Variants in NRG3 observed in about 807,000 individuals in gnomAD.
NRG3 encodes pro-neuregulin-3, membrane-bound isoform.
Under a neutral mutation model 66.9 loss-of-function variants are expected in NRG3, and 31 were observed. The ratio of observed to expected loss-of-function variants is 0.46; its 90% CI spans 0.35 to 0.63. NRG3 has a LOEUF of 0.63. Among genes scored for constraint, NRG3 ranks in the 20% least tolerant of loss-of-function variants. The pLI is 0.00. For synonymous variants in NRG3, 393 were observed against 359.4 expected, an observed-to-expected ratio of 1.09 and a Z score of -1.06; for missense variants, 910 against 878.9, an observed-to-expected ratio of 1.04 and a Z score of -0.45.
At chr10:82,280,967 CT>C (rs2134438618) in intron 1 of NRG3, among the ~76,000 whole-genome samples, 1 of 152,282 alleles carries the variant, frequency 6.6e-6, no homozygotes, top group East Asian at 1.9e-4. Flanking sequence ...TTAAAAATTA[CT>C]GGTGTTATCT....
At chr10:82,693,605 T>G (rs1317826416) in intron 2 of NRG3, among the ~76,000 whole-genome samples, 1 of 152,172 alleles carries the variant, frequency 6.6e-6, no homozygotes, top group African/African-American at 2.4e-5. Flanking sequence ...TATGGTTAGA[T>G]GCAAATAAAA....
intron 4 of NRG3, among the ~76,000 whole-genome samples, chr10:82,932,093 C>A (rs371675822): frequency 2.0e-5 from 3 of 152,162 alleles, no homozygotes; most frequent in Admixed American, 6.5e-5. Flanking sequence ...AAATCTTCTG[C>A]AGCAGCACTC....
chr10:82,849,562 G>A (rs540614631), intron 3 of NRG3, among the ~76,000 whole-genome samples: 1 of 152,246 alleles, frequency 6.6e-6, no homozygotes, highest in East Asian at 1.9e-4. Flanking sequence ...AGAAAAGTAG[G>A]GTGAGGAGGA....
At chr10:81,923,468 G>A (rs554922179) in intron 1 of NRG3, among the ~76,000 whole-genome samples, 2 of 151,938 alleles carry the variant, frequency 1.3e-5, no homozygotes, top group East Asian at 3.9e-4. Context: ...GCCTCCCAAC[G>A]TGCTGGGATT....
chr10:82,122,932 A>G (rs1426422319), intron 1 of NRG3, among the ~76,000 whole-genome samples: 1 of 151,998 alleles, frequency 6.6e-6, no homozygotes, highest in Non-Finnish European at 1.5e-5. Flanking sequence ...TCAATCCCCA[A>G]ATCTGCTCTG....
At chr10:82,073,954 A>C (rs558238300) in intron 1 of NRG3, among the ~76,000 whole-genome samples, 5 of 152,322 alleles carry the variant, frequency 3.3e-5, no homozygotes, top group Non-Finnish European at 7.3e-5. Flanking sequence ...TTTGCAGCTT[A>C]AATACCAGTG....
At chr10:82,028,776 G>C (rs576527799) in intron 1 of NRG3, among the ~76,000 whole-genome samples, 1 of 152,038 alleles carries the variant, frequency 6.6e-6, no homozygotes, top group Admixed American at 6.6e-5. Flanking sequence ...TATGAACCTT[G>C]GCTATACTTA....
chr10:82,533,990 G>A (rs1247564680), intron 2 of NRG3, among the ~76,000 whole-genome samples: 2 of 151,742 alleles, frequency 1.3e-5, no homozygotes, highest in Non-Finnish European at 2.9e-5. Context: ...AAGAAAATTA[G>A]GAAAACAATC....
intron 1 of NRG3, among the ~76,000 whole-genome samples, chr10:82,051,467 G>A (rs2133134720): frequency 1.3e-5 from 2 of 152,210 alleles, no homozygotes; most frequent in African/African-American, 4.8e-5. Context: ...ACCCAAATGT[G>A]CCGAAGTTTG....
intron 3 of NRG3, among the ~76,000 whole-genome samples, chr10:82,854,011 T>C (rs1246428835): frequency 6.6e-6 from 1 of 152,178 alleles, no homozygotes; most frequent in African/African-American, 2.4e-5. Context: ...TTCCCAAAAG[T>C]ATACCTACAA....
intron 1 of NRG3, among the ~76,000 whole-genome samples, chr10:82,204,632 T>C (rs1353925959): frequency 6.6e-6 from 1 of 152,178 alleles, no homozygotes; most frequent in Non-Finnish European, 1.5e-5. Flanking sequence ...CTAGGAGTAG[T>C]AATATCTCTC....
intron 1 of NRG3, among the ~76,000 whole-genome samples, chr10:82,138,015 GAGTAATC>G (rs1311610997): frequency 1.3e-5 from 2 of 152,160 alleles, no homozygotes; most frequent in African/African-American, 4.8e-5. Context: ...TAAACAAAGA[GAGTAATC>G]AGTTTTCTGC....
At chr10:82,478,880 G>T (rs1842004896) in intron 2 of NRG3, among the ~76,000 whole-genome samples, 2 of 152,170 alleles carry the variant, frequency 1.3e-5, no homozygotes, top group South Asian at 4.1e-4. Context: ...GGGCGAAGTG[G>T]ATTACATTTC....
At chr10:82,617,304 C>CCACACACACGCACACATAGA (rs2048728332) in intron 2 of NRG3, among the ~76,000 whole-genome samples, 1 of 149,898 alleles carries the variant, frequency 6.7e-6, no homozygotes. Context: ...TATACACACA[C>CCACACACACGCACACATAGA]CACACACACG....
intron 4 of NRG3, among the ~76,000 whole-genome samples, chr10:82,944,321 G>C (rs1354547481): frequency 6.6e-6 from 1 of 152,146 alleles, no homozygotes; most frequent in African/African-American, 2.4e-5. Context: ...GTTTTTGTTT[G>C]TTTTAGTGGG....
chr10:82,866,054 C>A (rs1840698550), intron 4 of NRG3, among the ~76,000 whole-genome samples: 1 of 152,094 alleles, frequency 6.6e-6, no homozygotes, highest in Admixed American at 6.6e-5. Flanking sequence ...CAGATAACTG[C>A]ATTCAAAATT....
intron 2 of NRG3, among the ~76,000 whole-genome samples, chr10:82,705,394 A>G (rs2056213143): frequency 6.6e-6 from 1 of 152,166 alleles, no homozygotes. Flanking sequence ...TGGGGGGCAG[A>G]GCCCAGCAAT....
At chr10:82,121,661 TG>T (rs1419625730) in intron 1 of NRG3, among the ~76,000 whole-genome samples, 2 of 152,140 alleles carry the variant, frequency 1.3e-5, no homozygotes, top group African/African-American at 2.4e-5. Flanking sequence ...GTTTTGTTTT[TG>T]AGACAAGGCC....
rs534723341 is a variant in NRG3 at position 82,723,000 on chromosome 10, T to A, written c.954-15577T>A. 3.1e-3 allele frequency among the ~76,000 whole-genome samples: 471 copies of A among 152,228 alleles called. 2 individuals are homozygous for A. Among genetic ancestry groups the A allele is most frequent in the African/African-American group, 0.011 (445 of 41,540 alleles). Reference sequence around the variant, plus strand: ...ATATTTAAGAGAAAATAAATTGTTCTACCAAAAGACCCATGCACTTGCATG... The same window carrying A: ...ATATTTAAGAGAAAATAAATTGTTCAACCAAAAGACCCATGCACTTGCATG... On this transcript the variant is annotated intron_variant, in intron 2 of 8. Coordinates refer to ENST00000372141, the MANE Select transcript of NRG3 (RefSeq NM_001010848.4).
Sources: gnomAD v4.1 joint callset for allele counts (sites outside exome capture counted in the v4.1 genomes callset) on GRCh38, gnomAD v4.1.1 for gene constraint, MANE v1.5 for transcripts, NCBI Gene and HGNC (gene_info 2026-07-23, HGNC 2026-07-21) for gene names.